The following CDHR3 variants were observed in gnomAD, a reference collection of about 807,000 sequenced individuals.
CDHR3 encodes cadherin related family member 3, also known as cadherin-related family member 3.
In CDHR3, 79 loss-of-function variants were observed where a neutral mutation model predicts 86.6. The ratio of observed to expected loss-of-function variants is 0.91; its 90% CI spans 0.76 to 1.10. The LOEUF is 1.10. Ranked by LOEUF, CDHR3 falls within the 50% of genes least tolerant of loss-of-function variation. CDHR3 has a pLI of 0.00. For synonymous variants in CDHR3, 421 were observed against 402.4 expected (o/e 1.05, Z -0.55); for missense variants, 1,081 against 1,077.6 (o/e 1.00, Z -0.04).
intron 8 of CDHR3, among the ~76,000 whole-genome samples, chr7:106,008,039 G>A (rs1263980422): frequency 1.3e-5 from 2 of 152,188 alleles, no homozygotes; most frequent in African/African-American, 4.8e-5. Flanking sequence ...GAGAGCTTGT[G>A]CAGGGAAACT....
chr7:105,971,985 A>G (rs551280325), intron 1 of CDHR3, among the ~76,000 whole-genome samples: 23 of 152,310 alleles, frequency 1.5e-4, no homozygotes, highest in Non-Finnish European at 2.5e-4. Flanking sequence ...TCCTATGTGC[A>G]TGGTCATGTG....
At chr7:106,011,968 T>A (rs1193148372) in intron 8 of CDHR3, among the ~76,000 whole-genome samples, 1 of 152,192 alleles carries the variant, frequency 6.6e-6, no homozygotes, top group Non-Finnish European at 1.5e-5. Context: ...AGAACAGAAG[T>A]CAAGGAATTC....
At chr7:106,027,603 C>T in intron 16 of CDHR3, 1 of 443,004 alleles carries the variant, frequency 2.3e-6, no homozygotes, top group Non-Finnish European at 4.5e-6. Context: ...GGCTTGGCCT[C>T]AAGTAGACTC....
chr7:106,011,461 G>C (rs1834794712), intron 8 of CDHR3, among the ~76,000 whole-genome samples: 1 of 152,020 alleles, frequency 6.6e-6, no homozygotes, highest in African/African-American at 2.4e-5. Flanking sequence ...CAGAAATCAA[G>C]CACCTTCCCA....
chr7:106,028,419 A>T, intron 16 of CDHR3, 132 bp from the exon 17 acceptor site: 1 of 983,856 alleles, frequency 1.0e-6, no homozygotes, highest in Non-Finnish European at 1.6e-6. Context: ...ATCTATAGAC[A>T]GAACAATTCT....
intron 12 of CDHR3, among the ~76,000 whole-genome samples, chr7:106,019,535 TA>T (rs1346636867): frequency 6.6e-6 from 1 of 152,202 alleles, no homozygotes; most frequent in Non-Finnish European, 1.5e-5. Context: ...ATAAGCTTTT[TA>T]AAAGGGGTGA....
At chr7:106,014,258 T>C (rs1472110040) in intron 9 of CDHR3, among the ~76,000 whole-genome samples, 1 of 152,186 alleles carries the variant, frequency 6.6e-6, no homozygotes, top group Non-Finnish European at 1.5e-5. Flanking sequence ...TTAGATACAG[T>C]AGTGCTCCCT....
At chr7:106,028,795 C>G (rs948704793) in intron 17 of CDHR3, among the ~76,000 whole-genome samples, 1 of 152,160 alleles carries the variant, frequency 6.6e-6, no homozygotes, top group South Asian at 2.1e-4. Flanking sequence ...TGCAGAAGAA[C>G]AGGATTTCAT....
At position 105,996,232 on chromosome 7, in the gene CDHR3, G is replaced by T. The variant is rs1199318483; in HGVS notation, c.609-18G>T. The T allele has an allele frequency of 7.1e-7, 1 of 1,403,044 alleles. No individual in the cohort carries two copies. The highest frequency in any genetic ancestry group is 1.2e-5 in the South Asian group (1 of 85,238). 86.9% of individuals were successfully genotyped at this position (1,403,044 alleles called of 1,614,324 possible). ...CCAGCAAAGCTTGATTCTCTCACGT[G>T]GAATGTTTCCCTGGCAGTTTCCATC... On this transcript the variant is annotated intron_variant, in intron 5 of 18. Coordinates refer to ENST00000317716, the MANE Select transcript of CDHR3 (RefSeq NM_152750.5).
intron 18 of CDHR3, among the ~76,000 whole-genome samples, chr7:106,031,320 C>T (rs1838324829): frequency 1.3e-5 from 2 of 152,216 alleles, no homozygotes; most frequent in Non-Finnish European, 2.9e-5. Context: ...CAAGAATTTC[C>T]TCTTGGTCGG....
At position 106,022,329 on chromosome 7, in the gene CDHR3, A is replaced by T; in HGVS notation, c.1957A>T (p.Thr653Ser). 2 of 1,614,034 alleles carry T rather than the reference A, an allele frequency of 1.2e-6. No individual in the cohort carries two copies. Among genetic ancestry groups the T allele is most frequent in the South Asian group, 1.1e-5 (1 of 91,084 alleles). Residue 653 changes from threonine (T) to serine (S), a missense_variant, in exon 14 of 19, where the codon ACT (threonine) becomes TCT (serine). Physicochemically the swap from Thr to Ser is moderately conservative, Grantham distance 58 (BLOSUM62 1). Coordinates refer to ENST00000317716, the MANE Select transcript of CDHR3 (RefSeq NM_152750.5). ...IWDYKLLVYV[T>S]DDNLMSDRKK... ...GGACTACAAGCTACTTGTCTACGTA[A>T]CTGATGACAACTTGATGTCTGACAG...
At chr7:106,002,423 G>C (rs527459888) in intron 7 of CDHR3, among the ~76,000 whole-genome samples, 1 of 152,318 alleles carries the variant, frequency 6.6e-6, no homozygotes, top group South Asian at 2.1e-4. Flanking sequence ...AATTTAGCAA[G>C]GTCCGTTTGT....
chr7:106,000,923 GGAAGA>G (rs1447471356), intron 6 of CDHR3, among the ~76,000 whole-genome samples: 62 of 62,148 alleles, frequency 1.0e-3, no homozygotes, highest in African/African-American at 3.1e-3. Context: ...AAAAAGACAA[GGAAGA>G]AAAAAAAGTG....
chr7:106,000,705 G>C (rs1202162425), intron 6 of CDHR3, among the ~76,000 whole-genome samples: 1 of 152,040 alleles, frequency 6.6e-6, no homozygotes, highest in Non-Finnish European at 1.5e-5. Flanking sequence ...CTCATTACTG[G>C]CCTGTTCCAA....
At chr7:106,029,543 CCTCTGTCT>C (rs1456511372) in intron 17 of CDHR3, among the ~76,000 whole-genome samples, 1 of 96,512 alleles carries the variant, frequency 1.0e-5, no homozygotes, top group Admixed American at 9.4e-5. Context: ...CTCTCCTCCA[CCTCTGTCT>C]CTCTCTCTCT....
intron 1 of CDHR3, among the ~76,000 whole-genome samples, chr7:105,968,565 CG>C (rs1827356338): frequency 1.3e-5 from 2 of 152,018 alleles, no homozygotes; most frequent in South Asian, 4.2e-4. Flanking sequence ...TTCACCATGT[CG>C]GCCAGGCTAG....
At chr7:105,966,868 T>C (rs1827018794) in intron 1 of CDHR3, among the ~76,000 whole-genome samples, 3 of 152,160 alleles carry the variant, frequency 2.0e-5, no homozygotes, top group African/African-American at 7.2e-5. Context: ...GATAAACACG[T>C]CTGTTTCTTG....
intron 4 of CDHR3, among the ~76,000 whole-genome samples, chr7:105,984,963 G>T (rs759719442): frequency 6.6e-6 from 1 of 151,966 alleles, no homozygotes; most frequent in Non-Finnish European, 1.5e-5. Context: ...GGAGGCTGAG[G>T]TGGAAGGATC....
At chr7:106,017,716 A>G in intron 11 of CDHR3, 130 bp from the exon 12 acceptor site, 2 of 685,920 alleles carry the variant, frequency 2.9e-6, no homozygotes, top group South Asian at 3.8e-5. Context: ...TTGAAGCTAT[A>G]AAACAGAGTT....
Sources: gnomAD v4.1 joint callset for allele counts (sites outside exome capture counted in the v4.1 genomes callset) on GRCh38, gnomAD v4.1.1 for gene constraint, MANE v1.5 for transcripts, NCBI Gene and HGNC (gene_info 2026-07-23, HGNC 2026-07-21) for gene names.